JAZF1: variants seen among roughly 807,000 people sequenced by gnomAD.
JAZF1 encodes the protein juxtaposed with another zinc finger protein 1.
Under a neutral mutation model 26.4 loss-of-function variants are expected in JAZF1, and 8 were observed. The observed-to-expected ratio is 0.30, with a 90% CI of 0.18 to 0.55. JAZF1 has a LOEUF of 0.55. Ranked by LOEUF, JAZF1 falls within the 20% of genes least tolerant of loss-of-function variation. JAZF1 has a pLI of 0.94. For synonymous variants in JAZF1, 126 were observed against 122.3 expected (o/e 1.03, Z -0.20); for missense variants, 199 against 322.0 (o/e 0.62, Z 2.92).
At chr7:27,904,240 C>A (rs1345177190) in intron 2 of JAZF1, among the ~76,000 whole-genome samples, 1 of 152,236 alleles carries the variant, frequency 6.6e-6, no homozygotes, top group Admixed American at 6.5e-5. Flanking sequence ...GTGTGGCCCA[C>A]ATGTCAAAGG....
At chr7:28,074,906 T>TA (rs1784028004) in intron 1 of JAZF1, among the ~76,000 whole-genome samples, 1 of 152,140 alleles carries the variant, frequency 6.6e-6, no homozygotes, top group South Asian at 2.1e-4. Context: ...TAAGCATTTA[T>TA]AAAAAATGTC....
rs1782922231 is a variant in JAZF1, at chr7:28,138,792, C to T, written c.115+41671G>A. 2.0e-5 allele frequency among the ~76,000 whole-genome samples: 3 copies of T among 152,290 alleles called. No individual in the cohort carries two copies. In the South Asian group the frequency reaches 6.2e-4, roughly 32 times the overall value. On this transcript the variant is annotated intron_variant, in intron 1 of 4. Coordinates refer to ENST00000283928, the MANE Select transcript of JAZF1 (RefSeq NM_175061.4). ...GAGCACTAAATTAGGAGTCCAAAGACCTGGGCTCGGGCCCCAGACTTACCA... is the reference window on the plus strand; with the variant it reads ...GAGCACTAAATTAGGAGTCCAAAGATCTGGGCTCGGGCCCCAGACTTACCA...
At chr7:28,011,549 T>A (rs1402639886) in intron 1 of JAZF1, among the ~76,000 whole-genome samples, 1 of 152,226 alleles carries the variant, frequency 6.6e-6, no homozygotes. Context: ...TTGGGCTTGG[T>A]AAACATTTAC....
chr7:28,175,541 G>A (rs1783537446), intron 1 of JAZF1, among the ~76,000 whole-genome samples: 1 of 152,186 alleles, frequency 6.6e-6, no homozygotes, highest in Non-Finnish European at 1.5e-5. Context: ...TTTTACAGAG[G>A]AGGCATAGTA....
intron 1 of JAZF1, among the ~76,000 whole-genome samples, chr7:28,127,322 T>C (rs546816432): frequency 2.0e-5 from 3 of 152,310 alleles, no homozygotes; most frequent in African/African-American, 4.8e-5. Flanking sequence ...GTATAACCCA[T>C]GTCAGGGTGG....
chr7:28,119,080 A>G (rs951171028), intron 1 of JAZF1, among the ~76,000 whole-genome samples: 2 of 152,164 alleles, frequency 1.3e-5, no homozygotes, highest in Non-Finnish European at 2.9e-5. Context: ...CTGGAAGCCA[A>G]CAGCTCTGTG....
intron 2 of JAZF1, among the ~76,000 whole-genome samples, chr7:27,959,381 T>C (rs374800595): frequency 6.6e-6 from 1 of 152,268 alleles, no homozygotes. Flanking sequence ...CTCTGATTAC[T>C]TTAACCCTAT....
intron 2 of JAZF1, 65 bp from the exon 3 acceptor site, chr7:27,895,481 A>C: frequency 8.0e-7 from 1 of 1,248,556 alleles, no homozygotes; most frequent in Non-Finnish European, 1.1e-6. Flanking sequence ...GATGACATTT[A>C]TTAGAGTTTC....
At chr7:27,972,319 T>C (rs1785387669) in intron 2 of JAZF1, among the ~76,000 whole-genome samples, 2 of 152,184 alleles carry the variant, frequency 1.3e-5, no homozygotes, top group African/African-American at 4.8e-5. Context: ...TGTAAAGCTC[T>C]GATTGGAGGG....
intron 1 of JAZF1, among the ~76,000 whole-genome samples, chr7:28,037,775 A>G (rs1357563162): frequency 6.6e-6 from 1 of 152,164 alleles, no homozygotes; most frequent in Non-Finnish European, 1.5e-5. Context: ...TCCTTATTCA[A>G]ATCTTATTAA....
chr7:27,947,319 A>G (rs1363530283), intron 2 of JAZF1, among the ~76,000 whole-genome samples: 1 of 152,232 alleles, frequency 6.6e-6, no homozygotes, highest in Non-Finnish European at 1.5e-5. Flanking sequence ...CAAGATTAAA[A>G]TAACTGCTGA....
chr7:28,060,647 CAG>C (rs746856633), intron 1 of JAZF1, among the ~76,000 whole-genome samples: 3 of 152,186 alleles, frequency 2.0e-5, no homozygotes, highest in Non-Finnish European at 4.4e-5. Context: ...AGGTTCAAGA[CAG>C]AAAATTTTCC....
chr7:27,979,056 A>T (rs553437280), intron 2 of JAZF1, among the ~76,000 whole-genome samples: 1 of 152,298 alleles, frequency 6.6e-6, no homozygotes, highest in South Asian at 2.1e-4. Flanking sequence ...AAATAAAAAT[A>T]ATTTTTAGAG....
chr7:28,000,756 T>C (rs1354031039), intron 1 of JAZF1, among the ~76,000 whole-genome samples: 1 of 151,648 alleles, frequency 6.6e-6, no homozygotes, highest in Non-Finnish European at 1.5e-5. Context: ...GTAGCTGGGA[T>C]TACAGGCATC....
intron 1 of JAZF1, among the ~76,000 whole-genome samples, chr7:28,024,656 A>G (rs1354914043): frequency 6.6e-6 from 1 of 152,236 alleles, no homozygotes; most frequent in Non-Finnish European, 1.5e-5. Context: ...GCAAAATACC[A>G]ATGATGCAGT....
intron 1 of JAZF1, among the ~76,000 whole-genome samples, chr7:28,089,056 T>C (rs1209923310): frequency 2.6e-5 from 4 of 152,204 alleles, no homozygotes; most frequent in Non-Finnish European, 5.9e-5. Context: ...ATACACTTGG[T>C]CATCACAGTG....
intron 3 of JAZF1, among the ~76,000 whole-genome samples, chr7:27,887,733 C>G (rs568548833): frequency 1.3e-5 from 2 of 152,046 alleles, no homozygotes; most frequent in East Asian, 1.9e-4. Context: ...TTGTTTTCTT[C>G]AAGTCAAAAA....
chr7:27,881,653 T>A (rs1783774410), intron 3 of JAZF1, among the ~76,000 whole-genome samples: 1 of 152,092 alleles, frequency 6.6e-6, no homozygotes, highest in South Asian at 2.1e-4. Flanking sequence ...AAAAACACCA[T>A]CCTACATTGA....
chr7:28,152,444 AC>A (rs1562604929), intron 1 of JAZF1, among the ~76,000 whole-genome samples: 1 of 152,004 alleles, frequency 6.6e-6, no homozygotes, highest in African/African-American at 2.4e-5. Flanking sequence ...TCTCCCAGTT[AC>A]CCCACTGTGC....
Sources: gnomAD v4.1 joint callset for allele counts (sites outside exome capture counted in the v4.1 genomes callset) on GRCh38, gnomAD v4.1.1 for gene constraint, MANE v1.5 for transcripts, NCBI Gene and HGNC (gene_info 2026-07-23, HGNC 2026-07-21) for gene names.